CTHRC1: variants seen among roughly 807,000 people sequenced by gnomAD.
CTHRC1 encodes collagen triple helix repeat containing 1.
A neutral mutation model predicts 25.9 loss-of-function variants in CTHRC1; 21 were observed. That is an observed-to-expected ratio of 0.81 (90% CI 0.57 to 1.17). The LOEUF (loss-of-function observed/expected upper bound fraction) is 1.17, where lower values mean the gene tolerates loss of function less well. Ranked by LOEUF, CTHRC1 falls within the 50% of genes most tolerant of loss-of-function variation. CTHRC1 has a pLI of 0.00. For synonymous variants in CTHRC1, 109 were observed against 113.1 expected (o/e 0.96, Z 0.23); for missense variants, 281 against 304.3 (o/e 0.92, Z 0.57).
In CTHRC1 at chr8:103,379,407, C is replaced by G. The variant is rs566364000; in HGVS notation, c.589+1164C>G. Among the ~76,000 whole-genome samples, 89 of 151,940 alleles carry G rather than the reference C, an allele frequency of 5.9e-4. 1 individual carries two copies. The highest frequency in any genetic ancestry group is 1.9e-3 in the Admixed American group (29 of 15,242). On this transcript the variant is annotated intron_variant, in intron 3 of 3. Coordinates refer to ENST00000330295, the MANE Select transcript of CTHRC1 (RefSeq NM_138455.4). The stretch of plus-strand genomic sequence containing the variant: ...ATGATTACAGGCATGAGCCACCATG[C>G]CTGGCCTGTTTGTTCTATTTTAAGA...
intron 1 of CTHRC1, among the ~76,000 whole-genome samples, chr8:103,374,754 C>T (rs1336584748): frequency 1.3e-5 from 2 of 152,164 alleles, no homozygotes; most frequent in African/African-American, 4.8e-5. Context: ...GTTCTAAGCA[C>T]ATTTTATATA....
rs758451999 is a variant in CTHRC1 at position 103,382,795 on chromosome 8, AT to A, written c.*203del. On this transcript the variant is annotated 3_prime_UTR_variant, in exon 4 of 4. Coordinates refer to ENST00000330295, the MANE Select transcript of CTHRC1 (RefSeq NM_138455.4). ...TGCTTCAATCAAAAGTGGTTTCAAT[AT>A]TTTTTTTAGTTGGTTAGAATACTTT... 2.2e-4 allele frequency: 128 copies of A among 594,874 alleles called. No individual in the cohort carries two copies. The highest frequency in any genetic ancestry group is 9.2e-4 in the Middle Eastern group (2 of 2,170). 36.8% of individuals were successfully genotyped at this position (594,874 alleles called of 1,614,324 possible). A position where few individuals can be genotyped will look rare whatever the true frequency, so the allele number is the denominator to read the frequency against.
rs771956187 is a variant in CTHRC1, at chr8:103,375,908, G to A, written c.321G>A (p.Lys107=). The change falls in exon 2 of 4, where the codon AAG becomes AAA. Residue 107 remains lysine (K), a synonymous_variant. Coordinates refer to ENST00000330295, the MANE Select transcript of CTHRC1 (RefSeq NM_138455.4). ...SFEESWTPNY[K]QCSWSSLNYG... ...AGGAGTCCTGGACACCCAACTACAAGCAGTGTTCATGGAGTTCATTGAATT... is the reference window on the plus strand; with the variant it reads ...AGGAGTCCTGGACACCCAACTACAAACAGTGTTCATGGAGTTCATTGAATT... 3.7e-6 allele frequency: 6 copies of A among 1,614,118 alleles called. No individual in the cohort carries two copies. The South Asian group carries it at 6.6e-5, about 18-fold the overall frequency.
chr8:103,381,459 G>A (rs995728100), intron 3 of CTHRC1, among the ~76,000 whole-genome samples: 2 of 125,222 alleles, frequency 1.6e-5, no homozygotes, highest in African/African-American at 3.3e-5. Context: ...ATGACTGAGG[G>A]ATTTTTTTTT....
intron 2 of CTHRC1, 73 bp downstream of exon 2, chr8:103,376,032 CA>C: frequency 8.3e-7 from 1 of 1,211,126 alleles, no homozygotes; most frequent in Middle Eastern, 1.9e-4. Flanking sequence ...TTTTAGGTGA[CA>C]TTTTATTTTT....
chr8:103,382,558 G>A lies in CTHRC1; in HGVS notation c.690G>A (p.Trp230Ter). The A allele has an allele frequency of 6.2e-7, 1 of 1,612,872 alleles. No homozygotes were observed. Among genetic ancestry groups the A allele is most frequent in the Non-Finnish European group, 8.5e-7 (1 of 1,178,956 alleles). The change falls in exon 4 of 4, where the codon TGG becomes TGA. Residue 230 changes from tryptophan (W) to a stop codon, truncating the protein, a stop_gained. Transcript: ENST00000330295. LOFTEE classifies it high-confidence loss of function. ...CAAAAGGAGATGCTTCTACTGGATG[G>A]AATTCAGTTTCTCGCATCATTATTG... Reference protein sequence around the residue: ...DYPKGDASTGWNSVSRIIIEE... With the variant: ...DYPKGDASTG
At chr8:103,376,675 C>T (rs1586553010) in intron 2 of CTHRC1, among the ~76,000 whole-genome samples, 2 of 152,254 alleles carry the variant, frequency 1.3e-5, no homozygotes, top group South Asian at 4.1e-4. Flanking sequence ...TACATGGTTC[C>T]ATATTCACAA....
Position 103,372,428 on chromosome 8 carries a change from G to A in CTHRC1, c.150+622G>A, listed in dbSNP as rs535955291. 556 of 1,492,704 alleles carry A rather than the reference G, an allele frequency of 3.7e-4. 2 individuals carry two copies. The highest frequency in any genetic ancestry group is 1.2e-3 in the Middle Eastern group (5 of 4,138). The allele number at this position is 1,492,704 out of a possible 1,614,324, so 92.5% of individuals were successfully genotyped here. ...GACAACCACAGCTGGGGCTAGGAATGGTTCAGAAGGTTTAAGGCCGGAAAG... is the reference window on the plus strand; with the variant it reads ...GACAACCACAGCTGGGGCTAGGAATAGTTCAGAAGGTTTAAGGCCGGAAAG... On this transcript the variant is annotated intron_variant, in intron 1 of 3. Transcript: ENST00000330295.
At chr8:103,381,610 G>A (rs1001767173) in intron 3 of CTHRC1, among the ~76,000 whole-genome samples, 1 of 152,080 alleles carries the variant, frequency 6.6e-6, no homozygotes, top group African/African-American at 2.4e-5. Flanking sequence ...TCTGTTTTAT[G>A]TTTTTTCACT....
intron 2 of CTHRC1, among the ~76,000 whole-genome samples, chr8:103,377,487 T>C (rs575491254): frequency 8.3e-4 from 127 of 152,336 alleles, no homozygotes; most frequent in African/African-American, 3.0e-3. Flanking sequence ...ATACCCTCAA[T>C]GGGGCGAAAA....
intron 1 of CTHRC1, 36 bp downstream of exon 1, chr8:103,371,842 TG>T: frequency 6.8e-7 from 1 of 1,473,688 alleles, no homozygotes; most frequent in South Asian, 1.4e-5. Flanking sequence ...ACCGCCGCGC[TG>T]GTGGAGGGGA....
chr8:103,375,904 A>G lies in CTHRC1; in HGVS notation c.317A>G (p.Tyr106Cys), dbSNP rs868291260. The G allele has an allele frequency of 1.9e-6, 3 of 1,614,030 alleles. No homozygotes were observed. The highest frequency in any genetic ancestry group is 2.7e-5 in the African/African-American group (2 of 74,912). The change falls in exon 2 of 4, where the codon TAC (tyrosine) becomes TGC (cysteine). Residue 106 changes from tyrosine to cysteine, a missense_variant. Transcript: ENST00000330295. ...TTTGAGGAGTCCTGGACACCCAACT[A>G]CAAGCAGTGTTCATGGAGTTCATTG... Reference protein sequence around the residue: ...ESFEESWTPNYKQCSWSSLNY... With the variant: ...ESFEESWTPNCKQCSWSSLNY...
At chr8:103,376,784 G>C (rs1815813453) in intron 2 of CTHRC1, among the ~76,000 whole-genome samples, 1 of 152,148 alleles carries the variant, frequency 6.6e-6, no homozygotes, top group African/African-American at 2.4e-5. Flanking sequence ...TATAATCCCT[G>C]TTCCTTATCT....
intron 1 of CTHRC1, 29 bp from the exon 2 acceptor site, chr8:103,375,709 T>A: frequency 6.3e-7 from 1 of 1,585,018 alleles, no homozygotes; most frequent in Non-Finnish European, 8.7e-7. Flanking sequence ...GTGGTGAGAG[T>A]TTTCTTTGCC....
Position 103,375,769 on chromosome 8 carries a change from G to C in CTHRC1, c.182G>C (p.Gly61Ala), listed in dbSNP as rs1189917084. The change falls in exon 2 of 4, where the codon GGA becomes GCA. Residue 61 changes from glycine (G) to alanine (A), a missense_variant. Coordinates refer to ENST00000330295, the MANE Select transcript of CTHRC1 (RefSeq NM_138455.4). The stretch of plus-strand genomic sequence containing the variant: ...GGAATGTGCTTACAAGGGCCAGCAG[G>C]AGTGCCTGGTCGAGACGGGAGCCCT... ...YNGMCLQGPAGVPGRDGSPGA... is the reference protein window; with the variant it reads ...YNGMCLQGPAAVPGRDGSPGA... 1 of 1,614,088 alleles carries C rather than the reference G, an allele frequency of 6.2e-7. No homozygotes were observed. The highest frequency in any genetic ancestry group is 2.2e-5 in the East Asian group (1 of 44,878).
At chr8:103,373,321 C>G (rs979269403) in intron 1 of CTHRC1, among the ~76,000 whole-genome samples, 1 of 152,126 alleles carries the variant, frequency 6.6e-6, no homozygotes, top group East Asian at 1.9e-4. Flanking sequence ...TCAACAGATT[C>G]TATAAAGCAA....
rs1368098665 is a variant in CTHRC1 at position 103,382,866 on chromosome 8, T to C, written c.*266T>C. On this transcript the variant is annotated 3_prime_UTR_variant, in exon 4 of 4. Coordinates refer to ENST00000330295, the MANE Select transcript of CTHRC1 (RefSeq NM_138455.4). ...CAACCTATAATTTGGAATATTGTTG[T>C]GGTCTTTTGTTTTTTCTCTTAGTAT... The C allele has an allele frequency of 1.4e-5, 5 of 367,988 alleles. No individual in the cohort carries two copies. The highest frequency in any genetic ancestry group is 5.8e-5 in the East Asian group (1 of 17,212). 22.8% of individuals were successfully genotyped at this position (367,988 alleles called of 1,614,324 possible).
intron 3 of CTHRC1, among the ~76,000 whole-genome samples, chr8:103,380,537 T>C (rs2917546): frequency 0.94 from 143,652 of 152,324 alleles, 67,789 homozygotes; most frequent in East Asian, 0.99. Flanking sequence ...GTTTGACAAA[T>C]GGTTGTCATC....
Position 103,378,090 on chromosome 8 carries a change from C to T in CTHRC1, c.436C>T (p.Arg146Trp), listed in dbSNP as rs747888820. ...ALRVLFSGSL[R>W]LKCRNACCQR... ...AAGAGTTTTGTTCAGTGGCTCACTT[C>T]GGCTAAAATGCAGAAATGCATGCTG... The change falls in exon 3 of 4, where the codon CGG becomes TGG. Residue 146 changes from arginine (R) to tryptophan (W), a missense_variant. Coordinates refer to ENST00000330295, the MANE Select transcript of CTHRC1 (RefSeq NM_138455.4). 31 of 1,614,008 alleles carry T rather than the reference C, an allele frequency of 1.9e-5. No individual in the cohort carries two copies. Among genetic ancestry groups the T allele is most frequent in the Non-Finnish European group, 2.3e-5 (27 of 1,180,002 alleles).
Sources: gnomAD v4.1 joint callset for allele counts (sites outside exome capture counted in the v4.1 genomes callset) on GRCh38, gnomAD v4.1.1 for gene constraint, MANE v1.5 for transcripts, NCBI Gene and HGNC (gene_info 2026-07-23, HGNC 2026-07-21) for gene names.